Variants in ZNF722 observed in about 807,000 individuals in gnomAD.
The protein encoded by ZNF722 is zinc finger protein 722, also known as zinc finger protein 479 pseudogene.
At chr7:64,003,956 C>T in the ZNF722 span, among the ~76,000 whole-genome samples, 2 of 152,000 alleles carry the variant, frequency 1.3e-5, no homozygotes, top group Admixed American at 6.6e-5. Context: ...TACAGAATGG[C>T]GTGTATTGCC....
chr7:64,015,734 A>G, the ZNF722 span: 2 of 1,613,546 alleles, frequency 1.2e-6, no homozygotes, highest in African/African-American at 2.7e-5. Context: ...CTGGAGAGAA[A>G]CCCTACACAT....
the ZNF722 span, among the ~76,000 whole-genome samples, chr7:64,013,395 A>G: frequency 4.3e-4 from 65 of 152,044 alleles, no homozygotes; most frequent in Non-Finnish European, 7.4e-4. Context: ...TATAATATCA[A>G]TCTTTGTCTC....
the ZNF722 span, among the ~76,000 whole-genome samples, chr7:64,000,973 G>C: frequency 6.6e-6 from 1 of 151,358 alleles, no homozygotes; most frequent in Non-Finnish European, 1.5e-5. Context: ...GTCTGGATTT[G>C]ACCATGTTGG....
chr7:64,005,393 A>T, the ZNF722 span, among the ~76,000 whole-genome samples: 1 of 137,420 alleles, frequency 7.3e-6, no homozygotes, highest in Admixed American at 7.8e-5. Context: ...TATCAAATCT[A>T]CAGTGGTATT....
the ZNF722 span, among the ~76,000 whole-genome samples, chr7:64,017,449 T>A: frequency 6.6e-6 from 1 of 152,148 alleles, no homozygotes; most frequent in Non-Finnish European, 1.5e-5. Context: ...ATATAGGCCT[T>A]TAAAGTAAAG....
the ZNF722 span, among the ~76,000 whole-genome samples, chr7:64,013,162 A>T: frequency 6.6e-6 from 1 of 152,014 alleles, no homozygotes; most frequent in African/African-American, 2.4e-5. Context: ...GTATAATGTT[A>T]TTCAGGCTTT....
At chr7:64,015,028 T>A in the ZNF722 span, 4 of 1,306,050 alleles carry the variant, frequency 3.1e-6, no homozygotes, top group South Asian at 3.7e-5. Flanking sequence ...TGTCTTTCAG[T>A]TACGTGTTCT....
chr7:64,004,425 A>AAAAAAATATATATATATATATAT, the ZNF722 span, among the ~76,000 whole-genome samples: 1 of 61,108 alleles, frequency 1.6e-5, no homozygotes, highest in African/African-American at 8.0e-5. Context: ...AAAAAAAAAA[A>AAAAAAATATATATATATATATAT]ATATATATAT....
the ZNF722 span, among the ~76,000 whole-genome samples, chr7:64,017,193 G>A: frequency 1.3e-5 from 2 of 152,160 alleles, no homozygotes; most frequent in African/African-American, 4.8e-5. Flanking sequence ...AGACCAGCCT[G>A]GCCAACATGG....
At chr7:64,009,341 C>A in the ZNF722 span, among the ~76,000 whole-genome samples, 1 of 152,142 alleles carries the variant, frequency 6.6e-6, no homozygotes, top group Admixed American at 6.6e-5. Flanking sequence ...GGGAATGCTG[C>A]CAGTTTTTGC....
the ZNF722 span, among the ~76,000 whole-genome samples, chr7:64,011,387 C>T: frequency 3.9e-5 from 6 of 152,072 alleles, no homozygotes; most frequent in South Asian, 2.1e-4. Flanking sequence ...TGGCTGGTAC[C>T]GGTTGTTCCT....
At chr7:64,008,893 A>G in the ZNF722 span, among the ~76,000 whole-genome samples, 7 of 152,126 alleles carry the variant, frequency 4.6e-5, no homozygotes, top group Non-Finnish European at 1.0e-4. Context: ...ATGTTCTTCC[A>G]TTTGTTTGTG....
chr7:64,008,519 G>T, the ZNF722 span, among the ~76,000 whole-genome samples: 2 of 152,144 alleles, frequency 1.3e-5, no homozygotes, highest in Non-Finnish European at 2.9e-5. Context: ...CCCATTTCTT[G>T]TTTTTGTCAG....
chr7:64,015,243 C>T, the ZNF722 span: 1 of 1,205,022 alleles, frequency 8.3e-7, no homozygotes, highest in Non-Finnish European at 1.2e-6. Context: ...ATTTCAGACT[C>T]ATAAGTGTGT....
chr7:64,004,425 A>AATATATATATATATAT, the ZNF722 span, among the ~76,000 whole-genome samples: 14 of 61,100 alleles, frequency 2.3e-4, no homozygotes, highest in African/African-American at 8.8e-4. Flanking sequence ...AAAAAAAAAA[A>AATATATATATATATAT]ATATATATAT....
At chr7:64,015,329 A>G in the ZNF722 span, 12 of 1,367,020 alleles carry the variant, frequency 8.8e-6, no homozygotes, top group African/African-American at 1.4e-5. Flanking sequence ...TCAAATGTAA[A>G]AAATATGGCA....
chr7:64,012,222 T>G, the ZNF722 span, among the ~76,000 whole-genome samples: 2 of 152,172 alleles, frequency 1.3e-5, no homozygotes, highest in Non-Finnish European at 2.9e-5. Context: ...TCGAACATCC[T>G]CCTTTAGCTC....
chr7:64,007,236 A>ATATATATATATATATATATATG, the ZNF722 span, among the ~76,000 whole-genome samples: 2 of 100,426 alleles, frequency 2.0e-5, no homozygotes, highest in Non-Finnish European at 4.6e-5. Flanking sequence ...GTGTGTATAT[A>ATATATATATATATATATATATG]TATATATATA....
the ZNF722 span, among the ~76,000 whole-genome samples, chr7:64,010,421 C>T: frequency 6.6e-6 from 1 of 152,020 alleles, no homozygotes; most frequent in African/African-American, 2.4e-5. Flanking sequence ...TAAATGTGTC[C>T]CAGAGATTCT....
Sources: gnomAD v4.1 joint callset for allele counts (sites outside exome capture counted in the v4.1 genomes callset) on GRCh38, gnomAD v4.1.1 for gene constraint, MANE v1.5 for transcripts, NCBI Gene and HGNC (gene_info 2026-07-23, HGNC 2026-07-21) for gene names.